MAPK10: variants seen among roughly 807,000 people sequenced by gnomAD.
The protein encoded by MAPK10 is JNK3 alpha protein kinase.
MAPK10 carries 25 observed loss-of-function variants against 59.3 expected under a neutral mutation model. The ratio of observed to expected loss-of-function variants is 0.42; its 90% CI spans 0.31 to 0.59. MAPK10 has a LOEUF of 0.59. MAPK10 is among the 20% of genes least tolerant of loss of function. MAPK10 has a pLI of 0.15. For missense variants in MAPK10, 351 were observed against 568.9 expected, an observed-to-expected ratio of 0.62 and a Z score of 3.90; for synonymous variants, 190 against 200.5, an observed-to-expected ratio of 0.95 and a Z score of 0.44.
At chr4:86,336,987 C>T (rs1161061539) in intron 2 of MAPK10, among the ~76,000 whole-genome samples, 1 of 151,872 alleles carries the variant, frequency 6.6e-6, no homozygotes, top group Non-Finnish European at 1.5e-5. Flanking sequence ...GACGGGGTTT[C>T]ACCATGTTAG....
intron 11 of MAPK10, chr4:86,031,852 T>G (rs983756859): frequency 6.2e-6 from 1 of 160,394 alleles, no homozygotes; most frequent in Admixed American, 6.2e-5. Flanking sequence ...GATTTTGTTC[T>G]ATTTTTAGAC....
intron 2 of MAPK10, among the ~76,000 whole-genome samples, chr4:86,205,312 C>T (rs1043806048): frequency 5.3e-5 from 8 of 151,926 alleles, no homozygotes; most frequent in African/African-American, 1.4e-4. Flanking sequence ...CTTATATGCA[C>T]TTAGCATTAC....
At chr4:86,217,323 A>G (rs1023578841) in intron 2 of MAPK10, among the ~76,000 whole-genome samples, 1 of 152,130 alleles carries the variant, frequency 6.6e-6, no homozygotes, top group Admixed American at 6.6e-5. Context: ...GAGAAATAAG[A>G]TTTTTTCTGT....
chr4:86,180,221 T>C lies in MAPK10; in HGVS notation c.66+14115A>G, dbSNP rs2076588745. Among the ~76,000 whole-genome samples the C allele has an allele frequency of 3.3e-5, 5 of 151,792 alleles. No individual in the cohort carries two copies. In the South Asian group the frequency reaches 1.0e-3, roughly 31 times the overall value. ...AAGACACACGAATGGCCAAAAAATATATGAAAAGATCACTCAACATCACTA... is the reference window on the plus strand; with the variant it reads ...AAGACACACGAATGGCCAAAAAATACATGAAAAGATCACTCAACATCACTA... On this transcript the variant is annotated intron_variant, in intron 3 of 13. Transcript: ENST00000641462.
chr4:86,269,154 C>T (rs1374841862), intron 2 of MAPK10, among the ~76,000 whole-genome samples: 2 of 152,084 alleles, frequency 1.3e-5, no homozygotes, highest in South Asian at 4.1e-4. Context: ...TAAACGATTG[C>T]CTGCAATGTG....
chr4:86,221,424 T>C (rs888276029), intron 2 of MAPK10, among the ~76,000 whole-genome samples: 4 of 152,130 alleles, frequency 2.6e-5, no homozygotes, highest in Non-Finnish European at 4.4e-5. Flanking sequence ...AGGAGGCACA[T>C]TGATATGGTT....
chr4:86,445,522 T>C (rs1345893752), intron 1 of MAPK10, among the ~76,000 whole-genome samples: 3 of 152,084 alleles, frequency 2.0e-5, no homozygotes, highest in African/African-American at 4.8e-5. Context: ...CATTTACCTA[T>C]GTAACAAACC....
chr4:86,491,755 G>T (rs113428047), intron 1 of MAPK10, among the ~76,000 whole-genome samples: 1 of 152,090 alleles, frequency 6.6e-6, no homozygotes, highest in African/African-American at 2.4e-5. Flanking sequence ...TGTTGTTTTT[G>T]CTGATTTCTT....
At chr4:86,091,617 C>T (rs1394682531) in intron 9 of MAPK10, 1 of 140,166 alleles carries the variant, frequency 7.1e-6, no homozygotes, top group Admixed American at 7.6e-5. Context: ...CAACAGATGG[C>T]CTAAATTAAA....
At chr4:86,327,067 C>A (rs1564407707) in intron 2 of MAPK10, 1 of 152,124 alleles carries the variant, frequency 6.6e-6, no homozygotes, top group African/African-American at 2.4e-5. Context: ...ACCTCCTAGG[C>A]TCAAGCCATC....
chr4:86,377,346 T>G (rs1297085959), intron 1 of MAPK10, among the ~76,000 whole-genome samples: 2 of 152,208 alleles, frequency 1.3e-5, no homozygotes, highest in African/African-American at 2.4e-5. Flanking sequence ...GAAAAGGTGA[T>G]TCTCATGATT....
chr4:86,378,699 G>A (rs114520851), intron 1 of MAPK10, among the ~76,000 whole-genome samples: 8,972 of 152,232 alleles, frequency 0.059, 390 homozygotes, highest in Non-Finnish European at 0.092. Flanking sequence ...TCCACAAAGC[G>A]AAGATATCAT....
At chr4:86,523,865 G>A (rs1047971522) in intron 1 of MAPK10, among the ~76,000 whole-genome samples, 14 of 151,980 alleles carry the variant, frequency 9.2e-5, no homozygotes, top group Non-Finnish European at 1.9e-4. Flanking sequence ...CTCTATCTAC[G>A]CTTGGCTTAG....
chr4:86,564,924 C>G (rs577567534), intron 1 of MAPK10, among the ~76,000 whole-genome samples: 1 of 152,252 alleles, frequency 6.6e-6, no homozygotes, highest in South Asian at 2.1e-4. Context: ...TCAAGGGCCT[C>G]CCACACTGGA....
At chr4:86,170,840 C>A (rs2073909405) in intron 3 of MAPK10, among the ~76,000 whole-genome samples, 1 of 150,482 alleles carries the variant, frequency 6.6e-6, no homozygotes, top group East Asian at 1.9e-4. Context: ...CTCTCCTCAG[C>A]AAATGTAAAA....
chr4:86,165,821 G>A (rs12504532), intron 3 of MAPK10, among the ~76,000 whole-genome samples: 1 of 151,954 alleles, frequency 6.6e-6, no homozygotes, highest in African/African-American at 2.4e-5. Context: ...TCTCAGCAGA[G>A]GGTTACATCC....
Position 86,205,161 on chromosome 4 carries a change from TA to T in MAPK10, c.-6-10755del, listed in dbSNP as rs368785820. Among the ~76,000 whole-genome samples, 1,304 of 151,946 alleles carry T rather than the reference TA, an allele frequency of 8.6e-3. 7 individuals carry two copies. Among genetic ancestry groups the T allele is most frequent in the Middle Eastern group, 0.027 (8 of 294 alleles). ...GTAAGGGATAGATACCCCTACCACATAAAAAAATATTTAAACCAAAGAGAGC... is the reference window on the plus strand; with the variant it reads ...GTAAGGGATAGATACCCCTACCACATAAAAAATATTTAAACCAAAGAGAGC... On this transcript the variant is annotated intron_variant, in intron 2 of 13. Coordinates refer to ENST00000641462, the MANE Select transcript of MAPK10 (RefSeq NM_138982.4).
At chr4:86,407,500 G>A (rs558040575) in intron 1 of MAPK10, among the ~76,000 whole-genome samples, 3 of 152,190 alleles carry the variant, frequency 2.0e-5, no homozygotes, top group East Asian at 1.9e-4. Context: ...GAATCCAGTC[G>A]GTCTGTTAGG....
intron 2 of MAPK10, among the ~76,000 whole-genome samples, chr4:86,237,007 C>T (rs1354304267): frequency 6.6e-6 from 1 of 152,096 alleles, no homozygotes; most frequent in African/African-American, 2.4e-5. Context: ...ATCCCCCAAA[C>T]AGGCCATAGT....
Sources: allele counts gnomAD v4.1 joint callset (sites outside exome capture counted in the v4.1 genomes callset), GRCh38; gene constraint gnomAD v4.1.1; transcripts MANE v1.5; gene names NCBI Gene and HGNC (gene_info 2026-07-23, HGNC 2026-07-21).